The following CHAF1A variants were observed in gnomAD, a reference collection of about 807,000 sequenced individuals.
CHAF1A encodes the protein chromatin assembly factor 1 subunit A.
CHAF1A carries 5 observed loss-of-function variants against 93.2 expected under a neutral mutation model. The ratio of observed to expected loss-of-function variants is 0.05; its 90% CI spans 0.03 to 0.11. CHAF1A has a LOEUF of 0.11. Among genes scored for constraint, CHAF1A ranks in the 10% least tolerant of loss-of-function variants. The probability of loss-of-function intolerance (pLI) is 1.00; values close to 1 mark genes in which losing one functional copy is unlikely to be tolerated. For synonymous variants in CHAF1A, 504 were observed against 510.3 expected (o/e 0.99, Z 0.17); for missense variants, 1,102 against 1,259.9 (o/e 0.87, Z 1.90).
chr19:4,424,017 T>G (rs960750410), intron 7 of CHAF1A, 143 bp downstream of exon 7: 31 of 710,776 alleles, frequency 4.4e-5, no homozygotes, highest in Non-Finnish European at 6.7e-5. Context: ...CATTTCTGGT[T>G]AAGTCTTGAG....
downstream of CHAF1A, chr19:4,447,684 G>C (rs1974566418): frequency 6.4e-7 from 1 of 1,559,058 alleles, no homozygotes; most frequent in African/African-American, 1.4e-5. Context: ...CGGCCCCTCT[G>C]TGCCTCCTGC....
chr19:4,415,756 A>G (rs549950294), intron 3 of CHAF1A, among the ~76,000 whole-genome samples: 18 of 152,034 alleles, frequency 1.2e-4, no homozygotes, highest in South Asian at 1.0e-3. Flanking sequence ...GCCTTTCCCT[A>G]AAGAAAGGTT....
intron 12 of CHAF1A, 84 bp downstream of exon 12, chr19:4,432,291 G>T: frequency 7.0e-7 from 1 of 1,422,664 alleles, no homozygotes; most frequent in Non-Finnish European, 9.4e-7. Flanking sequence ...CAGGCTAGTG[G>T]GTCCGTGATG....
At chr19:4,447,469 T>C, downstream of CHAF1A, 1 of 1,495,450 alleles carries the variant, frequency 6.7e-7, no homozygotes, top group Non-Finnish European at 9.3e-7. Context: ...GCCCACCGCC[T>C]GGTGTGGGCC....
downstream of CHAF1A, chr19:4,448,595 C>G: frequency 8.1e-6 from 5 of 614,610 alleles, no homozygotes; most frequent in Non-Finnish European, 1.1e-5. Flanking sequence ...TGCCCACGCC[C>G]CAGGGCAGAG....
downstream of CHAF1A, chr19:4,447,123 A>G (rs1219460247): frequency 3.3e-6 from 2 of 607,246 alleles, no homozygotes; most frequent in African/African-American, 1.9e-5. Flanking sequence ...AGCTCTGCAC[A>G]GAGGAAAGAG....
At chr19:4,445,757 C>T, downstream of CHAF1A, 3 of 1,409,766 alleles carry the variant, frequency 2.1e-6, no homozygotes, top group South Asian at 1.4e-5. Context: ...GTGGCTCGCA[C>T]CCAGGCCTCC....
chr19:4,441,116 G>A (rs1252491566), intron 13 of CHAF1A, among the ~76,000 whole-genome samples: 2 of 151,976 alleles, frequency 1.3e-5, no homozygotes, highest in Admixed American at 1.3e-4. Flanking sequence ...TCAAGAGTTC[G>A]AGACCAGCCT....
At chr19:4,443,528 T>G (rs1039477055), downstream of CHAF1A, 2 of 161,634 alleles carry the variant, frequency 1.2e-5, no homozygotes, top group African/African-American at 4.9e-5. Context: ...CCCATCTGTT[T>G]GTCACTAAGT....
chr19:4,426,066 C>T (rs2145115024), intron 7 of CHAF1A, among the ~76,000 whole-genome samples: 1 of 146,338 alleles, frequency 6.8e-6, no homozygotes, highest in African/African-American at 2.5e-5. Flanking sequence ...ACAGGATTTT[C>T]TTTTTTTTTC....
downstream of CHAF1A, chr19:4,443,480 G>A (rs887692433): frequency 5.4e-6 from 1 of 185,024 alleles, no homozygotes; most frequent in Admixed American, 6.0e-5. Context: ...GTGGTGCCTG[G>A]TGTCTGGGGC....
chr19:4,427,197 T>A (rs1974101178), intron 7 of CHAF1A, among the ~76,000 whole-genome samples: 1 of 128,564 alleles, frequency 7.8e-6, no homozygotes, highest in Non-Finnish European at 1.6e-5. Flanking sequence ...TTGCCCAGGC[T>A]AGAGTACAGT....
chr19:4,411,644 C>CTTTTTTTTTTTTTTGTTTTTTTTTTTTT (rs1973802729), intron 3 of CHAF1A, among the ~76,000 whole-genome samples: 1 of 48,204 alleles, frequency 2.1e-5, no homozygotes. Flanking sequence ...TGGTGCAAAT[C>CTTTTTTTTTTTTTTGTTTTTTTTTTTTT]TTTTTTTTTT....
Position 4,429,727 on chromosome 19 carries a change from T to C in CHAF1A, c.1793T>C (p.Val598Ala). ...TCTCAGAAGCTCCTGGACTATGAGG[T>C]GGACAGTGATGAGGAGTGGGAAGAA... ...AQDTKLLDYE[V>A]DSDEEWEEEE... is the part of the protein sequence containing the mutation. Residue 598 changes from valine (V) to alanine (A), a missense_variant, in exon 10 of 15, where the codon GTG (valine) becomes GCG (alanine). Transcript: ENST00000301280. 1 of 1,614,002 alleles carries C rather than the reference T, an allele frequency of 6.2e-7. No individual in the cohort carries two copies. The highest frequency in any genetic ancestry group is 8.5e-7 in the Non-Finnish European group (1 of 1,179,970).
chr19:4,424,717 G>C (rs896405943), intron 7 of CHAF1A, among the ~76,000 whole-genome samples: 4 of 152,172 alleles, frequency 2.6e-5, no homozygotes, highest in African/African-American at 9.6e-5. Flanking sequence ...TCACTGCAAC[G>C]TCCACCTCCC....
intron 7 of CHAF1A, among the ~76,000 whole-genome samples, chr19:4,424,169 A>G (rs1334063380): frequency 6.6e-6 from 1 of 152,236 alleles, no homozygotes; most frequent in African/African-American, 2.4e-5. Flanking sequence ...CCCTTGGGAA[A>G]CTTAGGCTTA....
At chr19:4,428,941 G>A (rs1450031063) in intron 8 of CHAF1A, 51 bp downstream of exon 8, 1 of 1,513,712 alleles carries the variant, frequency 6.6e-7, no homozygotes, top group Non-Finnish European at 9.2e-7. Flanking sequence ...CTGGAGGCCA[G>A]CATCCTGAAC....
rs748826469 is a variant in CHAF1A, at chr19:4,433,164, C to T, written c.2298C>T (p.Leu766=). 6.2e-7 allele frequency: 1 copy of T among 1,613,730 alleles called. No individual in the cohort carries two copies. The highest frequency in any genetic ancestry group is 1.3e-5 in the African/African-American group (1 of 74,926). ...EFQEHCRRGL[L]SNHTGSPRSP... ...AGGAGCACTGCCGCCGGGGACTGCT[C>T]AGCAACCACACCGGCAGCCCGCGGA... The change falls in exon 13 of 15, where the codon CTC becomes CTT. Residue 766 remains leucine, a synonymous_variant. Coordinates refer to ENST00000301280, the MANE Select transcript of CHAF1A (RefSeq NM_005483.3). This position sits in a 1 kb window ranked among gnomAD's most constrained non-coding sequence, Gnocchi z 5.6.
chr19:4,429,370 G>A (rs564352121), intron 8 of CHAF1A, 68 bp from the exon 9 acceptor site: 4 of 1,546,516 alleles, frequency 2.6e-6, no homozygotes, highest in Non-Finnish European at 3.5e-6. Context: ...TCACAGGGAG[G>A]TTCCTGGGAG....
Sources: allele counts gnomAD v4.1 joint callset (sites outside exome capture counted in the v4.1 genomes callset), GRCh38; gene constraint gnomAD v4.1.1; non-coding constraint Gnocchi (gnomAD v3.1); transcripts MANE v1.5; gene names NCBI Gene and HGNC (gene_info 2026-07-23, HGNC 2026-07-21).